Variants in LARGE1 observed in about 807,000 individuals in gnomAD.
The protein encoded by LARGE1 is LARGE xylosyl- and glucuronyltransferase 1, also known as xylosyl- and glucuronyltransferase LARGE1.
A neutral mutation model predicts 87.6 loss-of-function variants in LARGE1; 43 were observed. The observed-to-expected ratio is 0.49, with a 90% CI of 0.38 to 0.63. LARGE1 has a LOEUF of 0.63. LARGE1 is among the 30% of genes least tolerant of loss of function. The probability of loss-of-function intolerance (pLI) is 0.00; values close to 1 mark genes in which losing one functional copy is unlikely to be tolerated. For synonymous variants in LARGE1, 434 were observed against 394.6 expected, an observed-to-expected ratio of 1.10 and a Z score of -1.18; for missense variants, 802 against 1,000.2, an observed-to-expected ratio of 0.80 and a Z score of 2.67.
chr22:33,839,906 C>T (rs906702833), intron 1 of LARGE1, among the ~76,000 whole-genome samples: 2 of 152,156 alleles, frequency 1.3e-5, no homozygotes, highest in Admixed American at 6.5e-5. Context: ...ACCCAGGAAA[C>T]GTGGGGGCTC....
chr22:33,727,289 T>C (rs370423088), intron 2 of LARGE1, among the ~76,000 whole-genome samples: 1 of 152,240 alleles, frequency 6.6e-6, no homozygotes, highest in Non-Finnish European at 1.5e-5. Flanking sequence ...GCCATTTAAT[T>C]AGCATCTGTT....
intron 10 of LARGE1, among the ~76,000 whole-genome samples, chr22:33,321,954 G>C (rs1936763139): frequency 6.6e-6 from 1 of 152,126 alleles, no homozygotes; most frequent in Non-Finnish European, 1.5e-5. Flanking sequence ...TAGTAGCTGG[G>C]ATTACAGGTG....
At chr22:33,343,577 A>ACT (rs1434654475) in intron 9 of LARGE1, among the ~76,000 whole-genome samples, 3 of 151,908 alleles carry the variant, frequency 2.0e-5, no homozygotes, top group Non-Finnish European at 4.4e-5. Context: ...TACTGTCCTT[A>ACT]CTCTCTCCTG....
intron 1 of LARGE1, among the ~76,000 whole-genome samples, chr22:33,785,291 A>ATG (rs1225539759): frequency 2.0e-5 from 3 of 152,108 alleles, no homozygotes; most frequent in East Asian, 3.9e-4. Flanking sequence ...ATACGTATAT[A>ATG]TGTGTATATA....
At chr22:33,576,698 C>G (rs2078362782) in intron 5 of LARGE1, among the ~76,000 whole-genome samples, 1 of 152,102 alleles carries the variant, frequency 6.6e-6, no homozygotes, top group Non-Finnish European at 1.5e-5. Flanking sequence ...TTCCAGCACC[C>G]TCAAGGATAC....
intron 4 of LARGE1, among the ~76,000 whole-genome samples, chr22:33,615,509 T>A (rs2079556596): frequency 6.6e-6 from 1 of 152,066 alleles, no homozygotes; most frequent in South Asian, 2.1e-4. Flanking sequence ...AAACCCTTTC[T>A]CTTTTTCTGC....
At chr22:33,080,992 T>TCCAC in the LARGE1 span, among the ~76,000 whole-genome samples, 3 of 150,346 alleles carry the variant, frequency 2.0e-5, no homozygotes, top group Non-Finnish European at 4.4e-5. Flanking sequence ...CATCCATCCA[T>TCCAC]CCACTCTTGT....
Position 33,592,872 on chromosome 22 carries a change from C to T in LARGE1, c.615+11563G>A, listed in dbSNP as rs372054877. Among the ~76,000 whole-genome samples, 564 of 151,216 alleles carry T rather than the reference C, an allele frequency of 3.7e-3. 2 individuals are homozygous for T. The highest frequency in any genetic ancestry group is 0.013 in the African/African-American group (534 of 41,112). ...TGTGTATTTTTTGAGACGGAGCTTGCTCTGTCACCCAGGCTGGAGTGCAGT... is the reference window on the plus strand; with the variant it reads ...TGTGTATTTTTTGAGACGGAGCTTGTTCTGTCACCCAGGCTGGAGTGCAGT... On this transcript the variant is annotated intron_variant, in intron 5 of 14. Transcript: ENST00000397394.
At chr22:33,432,744 G>A (rs1211803755) in intron 6 of LARGE1, among the ~76,000 whole-genome samples, 8 of 152,252 alleles carry the variant, frequency 5.3e-5, no homozygotes, top group African/African-American at 1.9e-4. Context: ...GGTTTCTCAC[G>A]ACAGGGAGGA....
chr22:33,735,001 T>A (rs1294842191), intron 2 of LARGE1, among the ~76,000 whole-genome samples: 1 of 152,208 alleles, frequency 6.6e-6, no homozygotes, highest in Non-Finnish European at 1.5e-5. Context: ...GCCCAAAATA[T>A]GTCACTTTAG....
At chr22:33,773,590 T>C (rs985273202) in intron 1 of LARGE1, among the ~76,000 whole-genome samples, 14 of 152,204 alleles carry the variant, frequency 9.2e-5, no homozygotes, top group Non-Finnish European at 1.9e-4. Context: ...GTCTCTGTTA[T>C]ATAACAAGCA....
At chr22:33,658,624 C>T (rs1244562713) in intron 2 of LARGE1, among the ~76,000 whole-genome samples, 1 of 152,134 alleles carries the variant, frequency 6.6e-6, no homozygotes, top group Non-Finnish European at 1.5e-5. Context: ...TGTCTCATTC[C>T]TTTTTATGGC....
chr22:33,234,353 T>C (rs941787557), intron 11 of LARGE1, among the ~76,000 whole-genome samples: 55 of 152,180 alleles, frequency 3.6e-4, no homozygotes, highest in African/African-American at 1.3e-3. Context: ...ATCCTACCTG[T>C]CATGTGTCTG....
chr22:33,416,670 C>T (rs528418648), intron 7 of LARGE1, among the ~76,000 whole-genome samples: 20 of 152,134 alleles, frequency 1.3e-4, no homozygotes, highest in Non-Finnish European at 2.4e-4. Flanking sequence ...AAGGTGCGAT[C>T]TCGGCTCACT....
At chr22:33,521,190 T>C (rs2071569981) in intron 6 of LARGE1, among the ~76,000 whole-genome samples, 1 of 152,384 alleles carries the variant, frequency 6.6e-6, no homozygotes, top group Non-Finnish European at 1.5e-5. Context: ...CTCCAAGAAG[T>C]AGCACACTGT....
intron 2 of LARGE1, among the ~76,000 whole-genome samples, chr22:33,661,851 G>A (rs2081132720): frequency 6.6e-6 from 1 of 152,058 alleles, no homozygotes; most frequent in South Asian, 2.1e-4. Flanking sequence ...TCGGGAGGGA[G>A]GGGGACTACC....
intron 7 of LARGE1, among the ~76,000 whole-genome samples, chr22:33,430,148 C>T (rs2067026534): frequency 6.6e-6 from 1 of 152,186 alleles, no homozygotes; most frequent in African/African-American, 2.4e-5. Flanking sequence ...ACACCACAGG[C>T]TCCTTGACTT....
At chr22:33,849,962 G>C (rs539631133) in intron 1 of LARGE1, among the ~76,000 whole-genome samples, 5 of 152,110 alleles carry the variant, frequency 3.3e-5, no homozygotes. Flanking sequence ...TTTTCCATAC[G>C]AGGAAATACA....
At chr22:33,309,052 G>A (rs1935259786) in intron 11 of LARGE1, among the ~76,000 whole-genome samples, 2 of 152,164 alleles carry the variant, frequency 1.3e-5, no homozygotes, top group Non-Finnish European at 1.5e-5. Context: ...AGGGGCCTAG[G>A]CGCCTGCATT....
Sources: allele counts gnomAD v4.1 joint callset (sites outside exome capture counted in the v4.1 genomes callset), GRCh38; gene constraint gnomAD v4.1.1; transcripts MANE v1.5; gene names NCBI Gene and HGNC (gene_info 2026-07-23, HGNC 2026-07-21).